STXBP5L: variants seen among roughly 807,000 people sequenced by gnomAD.
STXBP5L encodes the protein syntaxin-binding protein 5-like.
In STXBP5L, 65 loss-of-function variants were observed where a neutral mutation model predicts 144.5. That is an observed-to-expected ratio of 0.45 (90% CI 0.37 to 0.55). The LOEUF is 0.55. Among genes scored for constraint, STXBP5L ranks in the 20% least tolerant of loss-of-function variants. The probability of loss-of-function intolerance (pLI) is 0.00; values close to 1 mark genes in which losing one functional copy is unlikely to be tolerated. For synonymous variants in STXBP5L, 505 were observed against 469.6 expected (o/e 1.08, Z -0.97); for missense variants, 1,298 against 1,405.5 (o/e 0.92, Z 1.22).
intron 3 of STXBP5L, among the ~76,000 whole-genome samples, chr3:121,035,016 G>A (rs980376402): frequency 6.6e-6 from 1 of 151,952 alleles, no homozygotes; most frequent in Admixed American, 6.6e-5. Flanking sequence ...GTAGGTCTTT[G>A]TTTGGAAAAA....
chr3:120,978,639 A>G (rs1032930806), intron 3 of STXBP5L, among the ~76,000 whole-genome samples: 12 of 150,182 alleles, frequency 8.0e-5, no homozygotes, highest in African/African-American at 2.7e-4. Context: ...TAGAGTTTCC[A>G]GTTTTTCTGC....
intron 12 of STXBP5L, 120 bp downstream of exon 12, chr3:121,233,808 A>G: frequency 1.3e-6 from 1 of 762,194 alleles, no homozygotes; most frequent in Non-Finnish European, 2.0e-6. Context: ...GAATTACAGA[A>G]ATGCACTTTG....
intron 19 of STXBP5L, among the ~76,000 whole-genome samples, chr3:121,293,962 T>A (rs982097404): frequency 2.0e-5 from 3 of 152,188 alleles, no homozygotes; most frequent in African/African-American, 7.2e-5. Flanking sequence ...GACATAGTCA[T>A]GCGGAAGAGA....
intron 10 of STXBP5L, among the ~76,000 whole-genome samples, chr3:121,209,961 G>A (rs961937890): frequency 1.3e-5 from 2 of 152,164 alleles, no homozygotes; most frequent in African/African-American, 4.8e-5. Context: ...TAATGGGATG[G>A]CTGGGTCAAA....
chr3:121,006,234 C>T (rs894030795), intron 3 of STXBP5L, among the ~76,000 whole-genome samples: 3 of 151,816 alleles, frequency 2.0e-5, no homozygotes, highest in East Asian at 1.9e-4. Context: ...ATCTGGGTGC[C>T]CCTGTATTGG....
chr3:121,181,182 G>C (rs1559832157), intron 9 of STXBP5L, among the ~76,000 whole-genome samples: 1 of 151,028 alleles, frequency 6.6e-6, no homozygotes, highest in African/African-American at 2.4e-5. Context: ...GGGGAGAGGA[G>C]AGGAGGGAAC....
At chr3:121,284,892 CTGAA>C (rs2051177932) in intron 19 of STXBP5L, among the ~76,000 whole-genome samples, 5 of 152,084 alleles carry the variant, frequency 3.3e-5, no homozygotes, top group African/African-American at 7.2e-5. Context: ...AAAGTCTTCT[CTGAA>C]TGATTGATAT....
At chr3:121,035,824 A>G (rs749238549) in intron 3 of STXBP5L, among the ~76,000 whole-genome samples, 35 of 152,110 alleles carry the variant, frequency 2.3e-4, no homozygotes, top group Non-Finnish European at 7.4e-5. Context: ...ATCTAGATCA[A>G]TTTAGGGAAA....
chr3:121,255,620 T>C (rs2050180783), intron 16 of STXBP5L, among the ~76,000 whole-genome samples: 1 of 152,030 alleles, frequency 6.6e-6, no homozygotes, highest in Non-Finnish European at 1.5e-5. Flanking sequence ...TTATTAATTT[T>C]TAAGTTTATC....
intron 3 of STXBP5L, among the ~76,000 whole-genome samples, chr3:121,026,858 T>C (rs1330544959): frequency 6.6e-6 from 1 of 151,514 alleles, no homozygotes; most frequent in East Asian, 1.9e-4. Context: ...AAAAAATATA[T>C]ATATATAGTT....
chr3:121,418,556 A>T lies in STXBP5L; in HGVS notation c.3446A>T (p.Glu1149Val). 1 of 1,613,746 alleles carries T rather than the reference A, an allele frequency of 6.2e-7. No homozygotes were observed. The highest frequency in any genetic ancestry group is 8.5e-7 in the Non-Finnish European group (1 of 1,179,828). ...GAAGCATTTTCCAAACATGCACATGAGGTAAACTGCCTAAGTAAATACAGA... is the reference window on the plus strand; with the variant it reads ...GAAGCATTTTCCAAACATGCACATGTGGTAAACTGCCTAAGTAAATACAGA... Reference protein sequence around the residue: ...SAEAFSKHAHELMLKYKDKKW... With the variant: ...SAEAFSKHAHVLMLKYKDKKW... Residue 1149 changes from glutamate (E) to valine (V), a missense_variant and splice_region_variant, in exon 26 of 27, where the codon GAG becomes GTG. Transcript: ENST00000471454.
chr3:120,989,317 A>G (rs1242595198), intron 3 of STXBP5L, among the ~76,000 whole-genome samples: 4 of 152,130 alleles, frequency 2.6e-5, no homozygotes, highest in Non-Finnish European at 5.9e-5. Flanking sequence ...ACTTTTAAAT[A>G]ATAGCCATTC....
intron 7 of STXBP5L, among the ~76,000 whole-genome samples, chr3:121,133,818 C>G (rs888133663): frequency 7.2e-5 from 11 of 152,120 alleles, no homozygotes; most frequent in Admixed American, 1.3e-4. Context: ...AAAGAGGAAG[C>G]AAGGCATGTC....
intron 7 of STXBP5L, 133 bp downstream of exon 7, chr3:121,121,837 T>C: frequency 1.9e-6 from 1 of 516,298 alleles, no homozygotes; most frequent in Non-Finnish European, 3.4e-6. Context: ...GAAAATGTGT[T>C]GAATCAACGA....
intron 15 of STXBP5L, among the ~76,000 whole-genome samples, chr3:121,251,493 T>C (rs1353702319): frequency 6.6e-6 from 1 of 152,198 alleles, no homozygotes; most frequent in African/African-American, 2.4e-5. Flanking sequence ...TTTTGGAAGT[T>C]AGTTAACTTT....
At chr3:121,208,419 G>A (rs185414555) in intron 10 of STXBP5L, among the ~76,000 whole-genome samples, 3 of 152,062 alleles carry the variant, frequency 2.0e-5, no homozygotes, top group South Asian at 4.2e-4. Flanking sequence ...CCAACATGGT[G>A]CATGTATACA....
chr3:120,928,551 G>T (rs1429906752), intron 2 of STXBP5L, among the ~76,000 whole-genome samples: 1 of 152,018 alleles, frequency 6.6e-6, no homozygotes, highest in East Asian at 1.9e-4. Flanking sequence ...ATGAGCCACC[G>T]CACCTGGCCT....
At chr3:120,981,736 A>G (rs916582131) in intron 3 of STXBP5L, among the ~76,000 whole-genome samples, 1 of 152,208 alleles carries the variant, frequency 6.6e-6, no homozygotes, top group Non-Finnish European at 1.5e-5. Flanking sequence ...TGCAGGTGGT[A>G]CAACACTTTG....
chr3:121,413,399 A>T lies in STXBP5L; in HGVS notation c.3114+76A>T, dbSNP rs1178579922. The T allele has an allele frequency of 1.8e-5, 24 of 1,316,278 alleles. No individual in the cohort carries two copies. In the South Asian group the frequency reaches 4.0e-4, roughly 22 times the overall value. The allele number at this position is 1,316,278 out of a possible 1,614,324, so 81.5% of individuals were successfully genotyped here. A position where few individuals can be genotyped will look rare whatever the true frequency, so the allele number is the denominator to read the frequency against. ...ATGAGAAAGATGTCTAAAAACAAAA[A>T]TATTATTAGGTCAGACAATAATTAT... is the stretch of plus-strand genomic sequence containing the variant. On this transcript the variant is annotated intron_variant, in intron 24 of 26. Coordinates refer to ENST00000471454, the MANE Select transcript of STXBP5L (RefSeq NM_001308330.2).
Sources: allele counts gnomAD v4.1 joint callset (sites outside exome capture counted in the v4.1 genomes callset), GRCh38; gene constraint gnomAD v4.1.1; transcripts MANE v1.5; gene names NCBI Gene and HGNC (gene_info 2026-07-23, HGNC 2026-07-21).